The following NIPBL variants were observed in gnomAD, a reference collection of about 807,000 sequenced individuals.
NIPBL encodes NIPBL cohesin loading factor.
In NIPBL, 19 loss-of-function variants were observed where a neutral mutation model predicts 321.8. That is an observed-to-expected ratio of 0.06 (90% CI 0.04 to 0.09). The LOEUF (loss-of-function observed/expected upper bound fraction) is 0.09, where lower values mean the gene tolerates loss of function less well. Ranked by LOEUF, NIPBL falls within the 10% of genes least tolerant of loss-of-function variation. NIPBL has a pLI of 1.00. For missense variants in NIPBL, 2,210 were observed against 3,327.0 expected, an observed-to-expected ratio of 0.66 and a Z score of 8.26; for synonymous variants, 1,106 against 1,114.1, an observed-to-expected ratio of 0.99 and a Z score of 0.14.
chr5:36,893,931 T>C (rs1361932088), intron 1 of NIPBL, among the ~76,000 whole-genome samples: 2 of 152,200 alleles, frequency 1.3e-5, no homozygotes, highest in Admixed American at 1.3e-4. Flanking sequence ...CCAGCAGTAC[T>C]TCAAGTAAAA....
chr5:37,014,322 T>A (rs73093877), intron 21 of NIPBL, among the ~76,000 whole-genome samples: 1,866 of 152,188 alleles, frequency 0.012, 46 homozygotes, highest in African/African-American at 0.043. Context: ...ATTGTATGGA[T>A]TATATGTTTC....
chr5:37,040,541 T>G (rs1402770491), intron 34 of NIPBL, among the ~76,000 whole-genome samples: 1 of 152,234 alleles, frequency 6.6e-6, no homozygotes, highest in Non-Finnish European at 1.5e-5. Flanking sequence ...ATTCCTTGTT[T>G]TAGATGGCTA....
chr5:37,057,393 CTGTTT>C, intron 43 of NIPBL, 61 bp downstream of exon 43: 1 of 1,480,278 alleles, frequency 6.8e-7, no homozygotes, highest in Non-Finnish European at 9.4e-7. Context: ...GCTGTTTTCA[CTGTTT>C]TGTTTCTCAT....
At chr5:36,951,767 T>A (rs1740319192) in intron 1 of NIPBL, among the ~76,000 whole-genome samples, 1 of 152,152 alleles carries the variant, frequency 6.6e-6, no homozygotes, top group Admixed American at 6.5e-5. Flanking sequence ...CTTTCCTATA[T>A]TATTTCCTGT....
chr5:37,042,213 G>A (rs1434215034), intron 34 of NIPBL, among the ~76,000 whole-genome samples: 1 of 151,880 alleles, frequency 6.6e-6, no homozygotes, highest in Admixed American at 6.6e-5. Context: ...GAGGCAGGCG[G>A]ATCACGAGGT....
At chr5:36,910,871 A>G (rs980590964) in intron 1 of NIPBL, among the ~76,000 whole-genome samples, 1 of 152,180 alleles carries the variant, frequency 6.6e-6, no homozygotes, top group Non-Finnish European at 1.5e-5. Context: ...TAAAATGGAT[A>G]TATTTATGGG....
rs751463776 is a variant in NIPBL at position 36,974,987 on chromosome 5, A to C, written c.869-789A>C. Among the ~76,000 whole-genome samples the C allele has an allele frequency of 4.1e-4, 62 of 152,174 alleles. 1 individual carries two copies. The highest frequency in any genetic ancestry group is 3.1e-4 in the Non-Finnish European group (21 of 67,960). On this transcript the variant is annotated intron_variant, in intron 8 of 46. Coordinates refer to ENST00000282516, the MANE Select transcript of NIPBL (RefSeq NM_133433.4). ...ATGTCTGAAGGAGAATTTTTGTCTGAAGGCTTATTAACTAGGATAATTTTT... is the reference window on the plus strand; with the variant it reads ...ATGTCTGAAGGAGAATTTTTGTCTGCAGGCTTATTAACTAGGATAATTTTT...
At chr5:36,995,588 A>G (rs1746052443) in intron 10 of NIPBL, 34 bp from the exon 11 acceptor site, 1 of 1,498,956 alleles carries the variant, frequency 6.7e-7, no homozygotes, top group African/African-American at 1.4e-5. Flanking sequence ...CTTCAGATTT[A>G]CATTTTTTTT....
chr5:36,919,997 T>C lies in NIPBL; in HGVS notation c.-79-33621T>C, dbSNP rs369520817. On this transcript the variant is annotated intron_variant, in intron 1 of 46. Transcript: ENST00000282516. Reference sequence around the variant, plus strand: ...GTAACATTTGAGATTCACTGAAGTTTCTTTTGTATTTTTTATGGCAATAGT... The same window carrying C: ...GTAACATTTGAGATTCACTGAAGTTCCTTTTGTATTTTTTATGGCAATAGT... Among the ~76,000 whole-genome samples, 14 of 152,226 alleles carry C rather than the reference T, an allele frequency of 9.2e-5. No individual in the cohort carries two copies. In the East Asian group the frequency reaches 1.7e-3, roughly 19 times the overall value.
chr5:36,997,028 T>C (rs1401497474), intron 11 of NIPBL: 1 of 152,448 alleles, frequency 6.6e-6, no homozygotes, highest in African/African-American at 2.4e-5. Context: ...ATAATTGTTA[T>C]AATTGTATTA....
chr5:36,916,608 G>T (rs113265628), intron 1 of NIPBL, among the ~76,000 whole-genome samples: 1 of 151,788 alleles, frequency 6.6e-6, no homozygotes, highest in Admixed American at 6.6e-5. Flanking sequence ...CCATTAACTC[G>T]TCATTTACAT....
chr5:37,029,862 A>G (rs1042167306), intron 32 of NIPBL, among the ~76,000 whole-genome samples: 2 of 152,148 alleles, frequency 1.3e-5, no homozygotes, highest in African/African-American at 4.8e-5. Context: ...CTTTCATTTC[A>G]TATTTTTACA....
At chr5:37,019,885 ATATTT>A (rs1426218239) in intron 25 of NIPBL, among the ~76,000 whole-genome samples, 6 of 152,224 alleles carry the variant, frequency 3.9e-5, no homozygotes, top group Non-Finnish European at 8.8e-5. Context: ...ATACATAGAG[ATATTT>A]TATTTTATTT....
chr5:37,020,634 G>A lies in NIPBL; in HGVS notation c.5186G>A (p.Ser1729Asn). The change falls in exon 26 of 47, where the codon AGC (serine) becomes AAC (asparagine). Residue 1729 changes from serine to asparagine, a missense_variant. Physicochemically the swap from Ser to Asn is conservative, Grantham distance 46. Transcript: ENST00000282516. ...GAAAACCGAAAAAAGTTTCTTAGAA[G>A]CATTATCAAAACCACACCTTCTCAG... ...RAENRKKFLR[S>N]IIKTTPSQFS... 6.2e-7 allele frequency: 1 copy of A among 1,614,074 alleles called. No individual in the cohort carries two copies. Among genetic ancestry groups the A allele is most frequent in the Non-Finnish European group, 8.5e-7 (1 of 1,180,000 alleles).
chr5:36,914,717 T>A (rs979663511), intron 1 of NIPBL, among the ~76,000 whole-genome samples: 1 of 152,236 alleles, frequency 6.6e-6, no homozygotes, highest in African/African-American at 2.4e-5. Context: ...TGAATCACTT[T>A]CAGTGACAAA....
chr5:36,920,316 A>G (rs2149557333), intron 1 of NIPBL, among the ~76,000 whole-genome samples: 1 of 152,342 alleles, frequency 6.6e-6, no homozygotes, highest in East Asian at 1.9e-4. Context: ...GCCATTTTAA[A>G]GAAAAACATA....
intron 10 of NIPBL, among the ~76,000 whole-genome samples, chr5:36,988,288 A>T (rs1033032869): frequency 2.6e-5 from 4 of 152,148 alleles, no homozygotes; most frequent in Non-Finnish European, 4.4e-5. Flanking sequence ...TCATGTTAGT[A>T]TGTAAGTAAG....
In NIPBL at chr5:36,975,953, G is replaced by A; in HGVS notation, c.1046G>A (p.Ser349Asn). 1 of 1,613,996 alleles carries A rather than the reference G, an allele frequency of 6.2e-7. No homozygotes were observed. Among genetic ancestry groups the A allele is most frequent in the Non-Finnish European group, 8.5e-7 (1 of 1,179,928 alleles). ...AAAGCGGCAATGTATGATATAATTA[G>A]TTCTCCATCCAAGGACTCTACTAAA... ...SEKAAMYDII[S>N]SPSKDSTKLT... Residue 349 changes from serine to asparagine, a missense_variant, in exon 9 of 47, where the codon AGT (serine) becomes AAT (asparagine). Ser to Asn is a conservative substitution (Grantham distance 46, BLOSUM62 1). This residue lies in a region of NIPBL where 464 missense variants were observed against 529.5 expected (regional missense o/e 0.88). Coordinates refer to ENST00000282516, the MANE Select transcript of NIPBL (RefSeq NM_133433.4).
At chr5:36,921,204 C>G (rs1309429621) in intron 1 of NIPBL, among the ~76,000 whole-genome samples, 1 of 150,348 alleles carries the variant, frequency 6.7e-6, no homozygotes, top group Non-Finnish European at 1.5e-5. Flanking sequence ...AAAATTTCAT[C>G]TCCTGAAAAA....
Sources: gnomAD v4.1 joint callset for allele counts (sites outside exome capture counted in the v4.1 genomes callset) on GRCh38, gnomAD v4.1.1 for gene constraint, gnomAD v4.1.1 regional missense constraint, MANE v1.5 for transcripts, NCBI Gene and HGNC (gene_info 2026-07-23, HGNC 2026-07-21) for gene names.